Variants in TANC1 observed in about 807,000 individuals in gnomAD.
TANC1 encodes protein TANC1.
In TANC1, 77 loss-of-function variants were observed where a neutral mutation model predicts 149.7. The ratio of observed to expected loss-of-function variants is 0.51; its 90% CI spans 0.43 to 0.62. TANC1 has a LOEUF of 0.62. Among genes scored for constraint, TANC1 ranks in the 20% least tolerant of loss-of-function variants. TANC1 has a pLI of 0.00. For missense variants in TANC1, 1,985 were observed against 2,321.8 expected (o/e 0.85, Z 2.98); for synonymous variants, 854 against 925.0 (o/e 0.92, Z 1.39).
At chr2:158,992,942 G>C (rs1452019076) in intron 1 of TANC1, among the ~76,000 whole-genome samples, 2 of 148,750 alleles carry the variant, frequency 1.3e-5, no homozygotes, top group Admixed American at 6.6e-5. Flanking sequence ...ACCTTTACTC[G>C]TGTGTTCTCC....
intron 2 of TANC1, among the ~76,000 whole-genome samples, chr2:159,047,461 A>G (rs1207095062): frequency 6.6e-6 from 1 of 152,172 alleles, no homozygotes; most frequent in East Asian, 1.9e-4. Context: ...TAAAGCTAAA[A>G]GAAAATTCAA....
intron 2 of TANC1, among the ~76,000 whole-genome samples, chr2:159,011,231 C>T (rs1347904371): frequency 6.6e-6 from 1 of 151,954 alleles, no homozygotes; most frequent in Non-Finnish European, 1.5e-5. Flanking sequence ...GTAAGGTTTA[C>T]ATGAAATGAA....
At chr2:159,076,187 C>T (rs1231648643) in intron 3 of TANC1, among the ~76,000 whole-genome samples, 1 of 152,000 alleles carries the variant, frequency 6.6e-6, no homozygotes, top group Non-Finnish European at 1.5e-5. Context: ...TTCCCTTTTC[C>T]TAATCTGGCT....
At chr2:159,027,421 T>C (rs2039436991) in intron 2 of TANC1, among the ~76,000 whole-genome samples, 1 of 152,188 alleles carries the variant, frequency 6.6e-6, no homozygotes, top group African/African-American at 2.4e-5. Context: ...AGGATGGCCT[T>C]TACTCTAGTT....
intron 2 of TANC1, among the ~76,000 whole-genome samples, chr2:159,002,416 G>C (rs1243275032): frequency 6.6e-6 from 1 of 152,102 alleles, no homozygotes; most frequent in African/African-American, 2.4e-5. Context: ...CAAGGGTGAG[G>C]GTAAATCATG....
At chr2:158,996,695 A>T (rs1338184750) in intron 1 of TANC1, among the ~76,000 whole-genome samples, 1 of 152,194 alleles carries the variant, frequency 6.6e-6, no homozygotes, top group African/African-American at 2.4e-5. Context: ...AAATTTGTGG[A>T]ATATGTTCAT....
At chr2:159,101,704 G>A (rs1174888679) in intron 4 of TANC1, among the ~76,000 whole-genome samples, 2 of 152,106 alleles carry the variant, frequency 1.3e-5, no homozygotes, top group Non-Finnish European at 2.9e-5. Flanking sequence ...CTGTTTTCCA[G>A]AGAAGAGAAA....
chr2:159,090,500 G>A (rs555194255), intron 3 of TANC1, among the ~76,000 whole-genome samples: 1 of 152,294 alleles, frequency 6.6e-6, no homozygotes, highest in South Asian at 2.1e-4. Context: ...GCCTCGCTCG[G>A]CAGGGATCGG....
rs556718570 is a variant in TANC1, at chr2:158,992,229, T to G, written c.-125-8851T>G. Reference sequence around the variant, plus strand: ...AAATACAAAAATTAGATGGGCATGGTGGTGTGCACCTGCAATCTCATCTAC... The same window carrying G: ...AAATACAAAAATTAGATGGGCATGGGGGTGTGCACCTGCAATCTCATCTAC... On this transcript the variant is annotated intron_variant, in intron 1 of 26. Transcript: ENST00000263635. 1.6e-4 allele frequency among the ~76,000 whole-genome samples: 24 copies of G among 152,002 alleles called. No individual in the cohort carries two copies. The East Asian group carries it at 4.7e-3, about 29-fold the overall frequency.
At chr2:159,063,800 G>A (rs968998120) in intron 2 of TANC1, among the ~76,000 whole-genome samples, 1 of 152,152 alleles carries the variant, frequency 6.6e-6, no homozygotes, top group African/African-American at 2.4e-5. Flanking sequence ...CAGGGTGTCT[G>A]GGATGAGATA....
At chr2:159,224,598 G>C (rs2059907211) in intron 23 of TANC1, 2 of 488,658 alleles carry the variant, frequency 4.1e-6, no homozygotes, top group African/African-American at 3.8e-5. Context: ...AGTCTGGAGT[G>C]GTATCAGTGG....
chr2:159,064,539 G>A (rs1201676532), intron 2 of TANC1, among the ~76,000 whole-genome samples: 1 of 152,168 alleles, frequency 6.6e-6, no homozygotes, highest in African/African-American at 2.4e-5. Context: ...GGTCCTGCTG[G>A]GCTGCTGCAG....
At position 159,150,427 on chromosome 2, in the gene TANC1, T is replaced by C; in HGVS notation, c.553T>C (p.Ser185Pro). ...PCSTLTSSTA[S>P]PSTDSPCSTL... ...CTCCACACTAACAAGCAGCACCGCATCTCCTAGCACCGATAGCCCCTGCTC... is the reference window on the plus strand; with the variant it reads ...CTCCACACTAACAAGCAGCACCGCACCTCCTAGCACCGATAGCCCCTGCTC... Residue 185 changes from serine to proline, a missense_variant, in exon 7 of 27, where the codon TCT becomes CCT. Ser to Pro is a moderately conservative substitution (Grantham distance 74). Around this residue, in one of 3 missense-constraint regions of TANC1, gnomAD observed 557 missense variants for 612.9 expected, o/e 0.91. Transcript: ENST00000263635. 6.2e-7 allele frequency: 1 copy of C among 1,614,100 alleles called. No individual in the cohort carries two copies. The highest frequency in any genetic ancestry group is 8.5e-7 in the Non-Finnish European group (1 of 1,180,014).
intron 1 of TANC1, among the ~76,000 whole-genome samples, chr2:158,974,907 A>ATTTTTT (rs3028258): frequency 3.8e-4 from 39 of 103,276 alleles, no homozygotes; most frequent in Non-Finnish European, 4.8e-4. Context: ...TAATTTTTGT[A>ATTTTTT]TTTTTTTTTT....
At chr2:159,055,359 T>C (rs1574369772) in intron 2 of TANC1, among the ~76,000 whole-genome samples, 1 of 152,336 alleles carries the variant, frequency 6.6e-6, no homozygotes, top group East Asian at 1.9e-4. Flanking sequence ...CCATAACTGC[T>C]ACACTTTCAT....
In TANC1 at chr2:159,004,392, GAC is replaced by G. The variant is rs2036931941; in HGVS notation, c.-16+3207_-16+3208del. On this transcript the variant is annotated intron_variant, in intron 2 of 26. Transcript: ENST00000263635. ...AGCTATGTGGTTCCAAAGTTTTACA[GAC>G]ACAGAGAACATCACCTGTTACTAGT... is the stretch of plus-strand genomic sequence containing the variant. 25 of 1,201,822 alleles carry G rather than the reference GAC, an allele frequency of 2.1e-5. No homozygotes were observed. The East Asian group carries it at 5.4e-4, about 26-fold the overall frequency. 74.4% of individuals were successfully genotyped at this position (1,201,822 alleles called of 1,614,324 possible).
At chr2:159,114,036 G>A (rs1219704661) in intron 4 of TANC1, among the ~76,000 whole-genome samples, 1 of 152,206 alleles carries the variant, frequency 6.6e-6, no homozygotes, top group Non-Finnish European at 1.5e-5. Flanking sequence ...ATTTCCTGAA[G>A]TGTGTGTTGC....
intron 15 of TANC1, among the ~76,000 whole-genome samples, chr2:159,186,193 A>G (rs183905878): frequency 6.6e-6 from 1 of 152,228 alleles, no homozygotes; most frequent in East Asian, 1.9e-4. Context: ...TAAAGGTTCC[A>G]CTTTGTTCAT....
intron 2 of TANC1, among the ~76,000 whole-genome samples, chr2:159,059,540 C>T (rs1305492651): frequency 1.3e-4 from 19 of 151,836 alleles, no homozygotes; most frequent in Admixed American, 1.2e-3. Context: ...AAAGAAGAAC[C>T]AAAGGCCAAT....
Sources: allele counts gnomAD v4.1 joint callset (sites outside exome capture counted in the v4.1 genomes callset), GRCh38; gene constraint gnomAD v4.1.1; regional missense constraint gnomAD v4.1.1; transcripts MANE v1.5; gene names NCBI Gene and HGNC (gene_info 2026-07-23, HGNC 2026-07-21).